The following SLC25A26 variants were observed in gnomAD, a reference collection of about 807,000 sequenced individuals.
SLC25A26 encodes mitochondrial S-adenosylmethionine carrier protein.
SLC25A26 carries 36 observed loss-of-function variants against 37.8 expected under a neutral mutation model. The ratio of observed to expected loss-of-function variants is 0.95; its 90% CI spans 0.73 to 1.26. The LOEUF (loss-of-function observed/expected upper bound fraction) is 1.26. Ranked by LOEUF, SLC25A26 falls within the 50% of genes most tolerant of loss-of-function variation. The pLI is 0.00. For synonymous variants in SLC25A26, 129 were observed against 122.5 expected, an observed-to-expected ratio of 1.05 and a Z score of -0.35; for missense variants, 390 against 331.1, an observed-to-expected ratio of 1.18 and a Z score of -1.38.
chr3:66,339,152 C>T (rs890279583), intron 5 of SLC25A26, among the ~76,000 whole-genome samples: 2 of 151,904 alleles, frequency 1.3e-5, no homozygotes, highest in Admixed American at 6.6e-5. Context: ...ATTGTTTTAT[C>T]AGTGGATTTT....
intron 5 of SLC25A26, among the ~76,000 whole-genome samples, chr3:66,268,010 T>C (rs889743712): frequency 6.6e-6 from 1 of 152,182 alleles, no homozygotes; most frequent in African/African-American, 2.4e-5. Flanking sequence ...TAAGTCTCCT[T>C]AGTGTTTTTC....
intron 1 of SLC25A26, among the ~76,000 whole-genome samples, chr3:66,236,085 T>A (rs1357509185): frequency 6.6e-6 from 1 of 152,014 alleles, no homozygotes; most frequent in South Asian, 2.1e-4. Context: ...CTTAATTTTT[T>A]ATTTTTTGTA....
intron 1 of SLC25A26, among the ~76,000 whole-genome samples, chr3:66,166,043 A>T (rs1354724254): frequency 2.0e-5 from 3 of 151,692 alleles, no homozygotes; most frequent in African/African-American, 7.3e-5. Context: ...ATTTTATTGT[A>T]TTTAAAACTC....
chr3:66,217,763 T>G (rs2071383157), upstream of SLC25A26, among the ~76,000 whole-genome samples: 1 of 152,206 alleles, frequency 6.6e-6, no homozygotes, highest in African/African-American at 2.4e-5. Flanking sequence ...TTGGCCAGGC[T>G]GGTCTCAAAC....
intron 5 of SLC25A26, among the ~76,000 whole-genome samples, chr3:66,327,573 T>A (rs956844344): frequency 1.3e-5 from 2 of 152,162 alleles, no homozygotes; most frequent in African/African-American, 4.8e-5. Flanking sequence ...TTCATTGCAA[T>A]GTAAATAATT....
At chr3:66,242,534 T>A (rs2072629876) in intron 2 of SLC25A26, among the ~76,000 whole-genome samples, 1 of 152,356 alleles carries the variant, frequency 6.6e-6, no homozygotes, top group South Asian at 2.1e-4. Flanking sequence ...AAGATGAATT[T>A]GTCATTCCTT....
At chr3:66,134,738 T>A (rs2069921157) in intron 1 of SLC25A26, among the ~76,000 whole-genome samples, 1 of 152,232 alleles carries the variant, frequency 6.6e-6, no homozygotes, top group South Asian at 2.1e-4. Context: ...GCCATCAATT[T>A]CCATATTGAT....
rs567703978 is a variant in SLC25A26 at position 66,181,925 on chromosome 3, T to G, written c.-353-38817T>G. Among the ~76,000 whole-genome samples, 20 of 152,202 alleles carry G rather than the reference T, an allele frequency of 1.3e-4. No homozygotes were observed. In the South Asian group the frequency reaches 4.2e-3, roughly 32 times the overall value. ...TTGTGTGTGTGTGCATGAGCAAGCC[T>G]GCCTGGGAGCGTGCCCGTGTGCCCA... On this transcript the variant is annotated intron_variant, in intron 1 of 10. Coordinates refer to the SLC25A26 transcript ENST00000676754.
At chr3:66,308,614 T>C (rs995131192) in intron 5 of SLC25A26, among the ~76,000 whole-genome samples, 1 of 152,212 alleles carries the variant, frequency 6.6e-6, no homozygotes, top group African/African-American at 2.4e-5. Flanking sequence ...CTTTTCCCCA[T>C]TGAGTATGAC....
At chr3:66,279,262 G>C (rs1056587513) in intron 5 of SLC25A26, among the ~76,000 whole-genome samples, 1 of 152,042 alleles carries the variant, frequency 6.6e-6, no homozygotes, top group Non-Finnish European at 1.5e-5. Context: ...TCATTCTCCT[G>C]TTCTAATCCT....
intron 5 of SLC25A26, among the ~76,000 whole-genome samples, chr3:66,305,344 G>A (rs944338014): frequency 2.0e-5 from 3 of 152,190 alleles, no homozygotes; most frequent in African/African-American, 4.8e-5. Context: ...GTAACATTAT[G>A]TAATTTAATC....
Position 66,221,077 on chromosome 3 carries a change from G to A in SLC25A26, c.-18G>A. On this transcript the variant is annotated 5_prime_UTR_variant, in exon 1 of 10. Transcript: ENST00000354883. The stretch of plus-strand genomic sequence containing the variant: ...CTGCTCCGGCTTGGATTGTAGCCTT[G>A]ACGAGGTCTGAGCGACCATGGACCG... The A allele has an allele frequency of 6.5e-7, 1 of 1,535,228 alleles. No homozygotes were observed. Among genetic ancestry groups the A allele is most frequent in the Non-Finnish European group, 8.7e-7 (1 of 1,145,872 alleles).
chr3:66,220,722 C>T (rs2071446542), upstream of SLC25A26: 5 of 333,528 alleles, frequency 1.5e-5, no homozygotes, highest in Admixed American at 2.7e-4. Flanking sequence ...GCCACAGCCA[C>T]GCCTCTTCTG....
intron 1 of SLC25A26, among the ~76,000 whole-genome samples, chr3:66,230,203 T>G (rs1249181249): frequency 1.3e-5 from 2 of 152,094 alleles, no homozygotes. Flanking sequence ...TGATCTGGTT[T>G]CTACTCTGAA....
At chr3:66,300,773 T>G (rs978442188) in intron 5 of SLC25A26, among the ~76,000 whole-genome samples, 17 of 152,334 alleles carry the variant, frequency 1.1e-4, no homozygotes, top group South Asian at 4.1e-4. Flanking sequence ...GGAGGTGGAC[T>G]AGTACTGATA....
intron 6 of SLC25A26, among the ~76,000 whole-genome samples, chr3:66,354,489 G>C (rs2076530556): frequency 6.6e-6 from 1 of 151,992 alleles, no homozygotes. Context: ...TCTCTTTTAT[G>C]TTTTATAAGT....
intron 5 of SLC25A26, among the ~76,000 whole-genome samples, chr3:66,279,439 T>C (rs940718505): frequency 3.3e-5 from 5 of 152,182 alleles, no homozygotes; most frequent in African/African-American, 1.2e-4. Flanking sequence ...AGTGTCCTCA[T>C]TGAATGAAAA....
chr3:66,226,746 C>G (rs1051671498), intron 1 of SLC25A26, among the ~76,000 whole-genome samples: 2 of 151,996 alleles, frequency 1.3e-5, no homozygotes, highest in African/African-American at 4.8e-5. Context: ...CAGGCATGAG[C>G]CACTGAGCCC....
chr3:66,184,620 A>ACCTTGAGTTT (rs2070788205), intron 1 of SLC25A26, among the ~76,000 whole-genome samples: 517 of 151,548 alleles, frequency 3.4e-3, no homozygotes, highest in Middle Eastern at 6.9e-3. Flanking sequence ...TTACATGCTC[A>ACCTTGAGTTT]ACCAAATCCT....
Sources: gnomAD v4.1 joint callset for allele counts (sites outside exome capture counted in the v4.1 genomes callset) on GRCh38, gnomAD v4.1.1 for gene constraint, MANE v1.5 for transcripts, NCBI Gene and HGNC (gene_info 2026-07-23, HGNC 2026-07-21) for gene names.